The following ENAH variants were observed in gnomAD, a reference collection of about 807,000 sequenced individuals.
ENAH encodes the protein protein enabled homolog.
Under a neutral mutation model 78.7 loss-of-function variants are expected in ENAH, and 23 were observed. The observed-to-expected ratio is 0.29, with a 90% CI of 0.21 to 0.41. The LOEUF is 0.41. Ranked by LOEUF, ENAH falls within the 10% of genes least tolerant of loss-of-function variation. ENAH has a pLI of 1.00. For synonymous variants in ENAH, 226 were observed against 241.0 expected (o/e 0.94, Z 0.58); for missense variants, 544 against 691.0 (o/e 0.79, Z 2.39).
intron 3 of ENAH, among the ~76,000 whole-genome samples, chr1:225,540,703 A>C (rs1480287846): frequency 6.6e-6 from 1 of 152,028 alleles, no homozygotes; most frequent in Non-Finnish European, 1.5e-5. Flanking sequence ...ATTTAAAAAA[A>C]AAAAAAAAAC....
intron 7 of ENAH, 39 bp from the exon 8 acceptor site, chr1:225,513,055 A>G (rs1329450641): frequency 6.6e-7 from 1 of 1,515,032 alleles, no homozygotes; most frequent in African/African-American, 1.4e-5. Flanking sequence ...CTCCTATGTT[A>G]GACAACCATA....
intron 3 of ENAH, among the ~76,000 whole-genome samples, chr1:225,547,214 G>C (rs1204993337): frequency 1.3e-5 from 2 of 151,964 alleles, no homozygotes; most frequent in Non-Finnish European, 1.5e-5. Flanking sequence ...TGGGATTACA[G>C]GTGCGCACCA....
At position 225,519,663 on chromosome 1, in the gene ENAH, A is replaced by T. The variant is rs959471966; in HGVS notation, c.435-98T>A. Reference sequence around the variant, plus strand: ...TATGTAAACTATTTCTGAGTCAAATAAAAGCAATGTAGAGCATGCAAACAT... The same window carrying T: ...TATGTAAACTATTTCTGAGTCAAATTAAAGCAATGTAGAGCATGCAAACAT... On this transcript the variant is annotated intron_variant, in intron 4 of 13. Coordinates refer to ENST00000366843, the MANE Select transcript of ENAH (RefSeq NM_018212.6). The T allele has an allele frequency of 2.4e-5, 36 of 1,503,292 alleles. No individual in the cohort carries two copies. In the African/African-American group the frequency reaches 5.0e-4, roughly 21 times the overall value. The allele number at this position is 1,503,292 out of a possible 1,614,324, so 93.1% of individuals were successfully genotyped here. A position where few individuals can be genotyped will look rare whatever the true frequency, so the allele number is the denominator to read the frequency against.
intron 1 of ENAH, among the ~76,000 whole-genome samples, chr1:225,640,358 C>T (rs536913026): frequency 6.6e-6 from 1 of 152,170 alleles, no homozygotes; most frequent in Non-Finnish European, 1.5e-5. Flanking sequence ...CTCCCCACCC[C>T]AACTATGTAC....
chr1:225,613,815 A>T (rs1301358271), intron 1 of ENAH, among the ~76,000 whole-genome samples: 1 of 152,202 alleles, frequency 6.6e-6, no homozygotes, highest in Non-Finnish European at 1.5e-5. Flanking sequence ...ACACTAAGTG[A>T]GTTATGATTT....
At chr1:225,606,488 T>C (rs1358361925) in intron 1 of ENAH, among the ~76,000 whole-genome samples, 1 of 151,584 alleles carries the variant, frequency 6.6e-6, no homozygotes, top group Non-Finnish European at 1.5e-5. Context: ...AATTACCATA[T>C]TTTAACATAT....
intron 5 of ENAH, chr1:225,517,526 T>A: frequency 7.1e-6 from 11 of 1,551,410 alleles, no homozygotes; most frequent in Non-Finnish European, 9.6e-6. Context: ...GATGGAGGCA[T>A]TTGGGGCACA....
intron 3 of ENAH, among the ~76,000 whole-genome samples, chr1:225,538,665 A>C (rs183867083): frequency 3.0e-4 from 45 of 151,448 alleles, no homozygotes; most frequent in African/African-American, 9.5e-4. Flanking sequence ...ACCCGAATGC[A>C]TTTTATTCCC....
chr1:225,587,351 A>T (rs2096852527), intron 1 of ENAH, among the ~76,000 whole-genome samples: 1 of 152,220 alleles, frequency 6.6e-6, no homozygotes, highest in East Asian at 1.9e-4. Context: ...AGTTTAATTT[A>T]AAAAATCAGT....
Position 225,496,061 on chromosome 1 carries a change from G to A in ENAH, c.*1714C>T, listed in dbSNP as rs2096248659. The A allele has an allele frequency of 6.6e-6, 1 of 152,596 alleles. No homozygotes were observed. Among genetic ancestry groups the A allele is most frequent in the East Asian group, 1.9e-4 (1 of 5,184 alleles). The allele number at this position is 152,596 out of a possible 1,614,324, so 9.5% of individuals were successfully genotyped here. On this transcript the variant is annotated 3_prime_UTR_variant, in exon 14 of 14. Transcript: ENST00000366843. ...CAAAATCTAGAAAGCAGATGAAAGT[G>A]AATTATTTCAAAGTTTTAGTAAAAC...
intron 4 of ENAH, among the ~76,000 whole-genome samples, chr1:225,527,919 T>A (rs978550525): frequency 3.6e-4 from 55 of 152,176 alleles, no homozygotes; most frequent in African/African-American, 1.3e-3. Flanking sequence ...GTTATCTTAA[T>A]CAACTCAACA....
chr1:225,508,580 C>A (rs972196668), intron 10 of ENAH: 2 of 152,228 alleles, frequency 1.3e-5, no homozygotes, highest in Admixed American at 6.5e-5. Context: ...ACAATTAATT[C>A]TTGGGCCTTA....
intron 10 of ENAH, among the ~76,000 whole-genome samples, chr1:225,510,287 G>A (rs1199505144): frequency 6.6e-6 from 1 of 152,052 alleles, no homozygotes; most frequent in African/African-American, 2.4e-5. Flanking sequence ...TGGAGTCCAT[G>A]GATAACCTTC....
intron 2 of ENAH, among the ~76,000 whole-genome samples, chr1:225,562,594 A>AAAC (rs2096713219): frequency 6.8e-6 from 1 of 148,070 alleles, no homozygotes; most frequent in African/African-American, 2.5e-5. Context: ...AAAAAAAAAA[A>AAAC]AAAAAAAACA....
chr1:225,503,773 T>C (rs1312974393), intron 11 of ENAH, among the ~76,000 whole-genome samples: 1 of 151,622 alleles, frequency 6.6e-6, no homozygotes, highest in Non-Finnish European at 1.5e-5. Flanking sequence ...ATTAATAGCA[T>C]AAAAATAATT....
intron 1 of ENAH, among the ~76,000 whole-genome samples, chr1:225,590,095 A>G (rs1331277682): frequency 7.3e-6 from 1 of 137,848 alleles, no homozygotes; most frequent in African/African-American, 2.7e-5. Flanking sequence ...ACACACACAC[A>G]CACACACACA....
At chr1:225,586,685 G>C (rs997007873) in intron 1 of ENAH, among the ~76,000 whole-genome samples, 3 of 152,088 alleles carry the variant, frequency 2.0e-5, no homozygotes, top group African/African-American at 7.2e-5. Context: ...GAAAATCAAG[G>C]TAATTCACCG....
chr1:225,555,594 A>G (rs192007386), intron 2 of ENAH, among the ~76,000 whole-genome samples: 119 of 151,974 alleles, frequency 7.8e-4, no homozygotes, highest in Non-Finnish European at 1.3e-3. Context: ...AAAAAAAAAA[A>G]GTAAATCAGC....
intron 1 of ENAH, among the ~76,000 whole-genome samples, chr1:225,637,506 C>CT (rs940612101): frequency 2.0e-5 from 3 of 152,078 alleles, no homozygotes; most frequent in African/African-American, 4.8e-5. Flanking sequence ...CGTGCATGGC[C>CT]TTTTTTTCAG....
Sources: allele counts gnomAD v4.1 joint callset (sites outside exome capture counted in the v4.1 genomes callset), GRCh38; gene constraint gnomAD v4.1.1; transcripts MANE v1.5; gene names NCBI Gene and HGNC (gene_info 2026-07-23, HGNC 2026-07-21).